NECAB2: variants seen among roughly 807,000 people sequenced by gnomAD.
NECAB2 encodes N-terminal EF-hand calcium-binding protein 2.
In NECAB2, 68 loss-of-function variants were observed where a neutral mutation model predicts 51.9. The observed-to-expected ratio is 1.31, with a 90% CI of 1.08 to 1.60. NECAB2 has a LOEUF of 1.60. Ranked by LOEUF, NECAB2 falls within the 40% of genes most tolerant of loss-of-function variation. The pLI, the probability that NECAB2 is intolerant of heterozygous loss-of-function variation, is 0.00. For missense variants in NECAB2, 854 were observed against 490.3 expected (o/e 1.74, Z -7.00); for synonymous variants, 329 against 203.5 (o/e 1.62, Z -5.25).
rs147214689 is a variant in NECAB2, at chr16:83,978,514, G to A, written c.297G>A (p.Leu99=). 7 of 1,613,796 alleles carry A rather than the reference G, an allele frequency of 4.3e-6. No homozygotes were observed. The South Asian group carries it at 5.5e-5, about 13-fold the overall frequency. ...ATGGCGTCCTTAATGAGAAAGAACT[G>A]GAGGATCTCTTTCACACGATTGACT... ...FADGVLNEKE[L]EDLFHTIDSD... Residue 99 remains leucine, a synonymous_variant, in exon 3 of 13, where the codon CTG becomes CTA. Coordinates refer to ENST00000305202, the MANE Select transcript of NECAB2 (RefSeq NM_019065.3).
chr16:84,000,693 G>C (rs763936905), intron 10 of NECAB2, 31 bp from the exon 11 acceptor site: 5 of 1,610,454 alleles, frequency 3.1e-6, no homozygotes, highest in Non-Finnish European at 4.2e-6. Flanking sequence ...TTGAGCTCCA[G>C]CCTCCTCCCC....
chr16:83,990,722 A>G, intron 6 of NECAB2, 92 bp downstream of exon 6: 1 of 1,523,680 alleles, frequency 6.6e-7, no homozygotes, highest in Non-Finnish European at 8.8e-7. Context: ...CTGTGTACCT[A>G]AGAGCTGGGT....
chr16:83,997,563 C>A (rs969972916), intron 9 of NECAB2, among the ~76,000 whole-genome samples: 2 of 127,982 alleles, frequency 1.6e-5, no homozygotes, highest in South Asian at 5.3e-4. Flanking sequence ...TGTCGGCTTA[C>A]TGCAACCTCT....
chr16:83,969,400 T>C (rs1467972199), intron 1 of NECAB2, among the ~76,000 whole-genome samples: 1 of 151,936 alleles, frequency 6.6e-6, no homozygotes, highest in East Asian at 1.9e-4. Flanking sequence ...CCACCTTCTG[T>C]CTTCTCGTCT....
Position 83,980,851 on chromosome 16 carries a change from C to T in NECAB2, c.348C>T (p.Thr116=), listed in dbSNP as rs1472502253. 1 of 1,599,106 alleles carries T rather than the reference C, an allele frequency of 6.3e-7. No homozygotes were observed. The highest frequency in any genetic ancestry group is 2.3e-5 in the East Asian group (1 of 44,076). The change falls in exon 4 of 13, where the codon ACC becomes ACT. Residue 116 remains threonine, a synonymous_variant. Coordinates refer to ENST00000305202, the MANE Select transcript of NECAB2 (RefSeq NM_019065.3). The stretch of plus-strand genomic sequence containing the variant: ...TCTGTCTCTGCAGCCATGTGGACAC[C>T]AAGGAGCTGTGTGGTAGGTGCCTGG... ...IDSDNTNHVD[T]KELCDYFVDH...
At chr16:83,980,724 C>A (rs2084476112) in intron 3 of NECAB2, 115 bp from the exon 4 acceptor site, 2 of 1,377,012 alleles carry the variant, frequency 1.5e-6, no homozygotes, top group Middle Eastern at 1.8e-4. Context: ...GCTTGTGGGG[C>A]CAGCACACAG....
chr16:83,985,332 AAAAAAAAAAAAAAAG>A (rs1375020663), intron 5 of NECAB2, among the ~76,000 whole-genome samples: 2 of 126,304 alleles, frequency 1.6e-5, no homozygotes, highest in African/African-American at 8.5e-5. Context: ...AAAAAAAAAA[AAAAAAAAAAAAAAAG>A]GTTACTGCTG....
chr16:84,002,065 C>A, intron 12 of NECAB2, 149 bp downstream of exon 12: 1 of 1,040,308 alleles, frequency 9.6e-7, no homozygotes. Flanking sequence ...CAGAGCCAGC[C>A]CTGAGGTGGC....
Position 84,000,793 on chromosome 16 carries a change from G to C in NECAB2, c.1032G>C (p.Ala344=), listed in dbSNP as rs113004568. Residue 344 remains alanine (A), a synonymous_variant, in exon 11 of 13, where the codon GCG becomes GCC. Coordinates refer to ENST00000305202, the MANE Select transcript of NECAB2 (RefSeq NM_019065.3). ...VIYEFWETEE[A]WKRHLQSPLC... ...ATGAGTTCTGGGAGACAGAGGAGGC[G>C]TGGAAGAGGTGAGATGCTGGGTCCC... 2 of 1,613,620 alleles carry C rather than the reference G, an allele frequency of 1.2e-6. No homozygotes were observed. Among genetic ancestry groups the C allele is most frequent in the Non-Finnish European group, 1.7e-6 (2 of 1,179,934 alleles).
rs2084844371 is a variant in NECAB2 at position 84,001,885 on chromosome 16, G to A, written c.1101G>A (p.Gln367=). Residue 367 remains glutamine (Q), a synonymous_variant, in exon 12 of 13, where the codon CAG becomes CAA. Transcript: ENST00000305202. ...FRHVKVDTLS[Q]PEALSRILVP... is the part of the protein sequence containing the mutation. ...ACGTCAAGGTGGACACACTGAGCCAGCCTGAGGCCCTCTCCAGGATCTTGG... is the reference window on the plus strand; with the variant it reads ...ACGTCAAGGTGGACACACTGAGCCAACCTGAGGCCCTCTCCAGGATCTTGG... 9 of 1,613,996 alleles carry A rather than the reference G, an allele frequency of 5.6e-6. No homozygotes were observed. The South Asian group carries it at 9.9e-5, about 18-fold the overall frequency.
intron 5 of NECAB2, 52 bp downstream of exon 5, chr16:83,981,179 T>A (rs1420762713): frequency 2.0e-6 from 3 of 1,509,456 alleles, no homozygotes; most frequent in Non-Finnish European, 2.8e-6. Context: ...GCTGCTTCAG[T>A]TCCACCCTTG....
At chr16:83,993,967 C>G (rs1020381410) in intron 6 of NECAB2, among the ~76,000 whole-genome samples, 2 of 152,150 alleles carry the variant, frequency 1.3e-5, no homozygotes, top group East Asian at 1.9e-4. Flanking sequence ...GGGCTCTACA[C>G]GTGCCCGAAA....
intron 5 of NECAB2, 149 bp downstream of exon 5, chr16:83,981,276 G>A (rs1416896985): frequency 6.0e-6 from 4 of 667,460 alleles, no homozygotes; most frequent in Non-Finnish European, 7.9e-6. Context: ...TGAAGCAGCT[G>A]AGATGAACTG....
In NECAB2 at chr16:84,002,396, A is replaced by C. The variant is rs1241261674; in HGVS notation, c.*50A>C. ...AGCCCACCAGCCCCTTCTTCTTGTG[A>C]AGGAAATCCCGTTTTTTTCTAGACA... On this transcript the variant is annotated 3_prime_UTR_variant, in exon 13 of 13. Transcript: ENST00000305202. The C allele has an allele frequency of 2.5e-6, 4 of 1,577,260 alleles. No homozygotes were observed. In the African/African-American group the frequency reaches 6.8e-5, roughly 27 times the overall value.
At chr16:83,998,381 C>CTCCTGGCAGT in intron 10 of NECAB2, 64 bp downstream of exon 10, 13 of 1,482,046 alleles carry the variant, frequency 8.8e-6, no homozygotes, top group Non-Finnish European at 1.2e-5. Flanking sequence ...AGTGGAGGAA[C>CTCCTGGCAGT]AGGGCAGGAC....
intron 1 of NECAB2, among the ~76,000 whole-genome samples, chr16:83,970,890 C>G (rs775490939): frequency 3.0e-4 from 45 of 152,120 alleles, no homozygotes; most frequent in African/African-American, 9.2e-4. Flanking sequence ...GTCAGGGGTT[C>G]GAGACCAGCT....
chr16:83,979,275 C>A (rs572414535), intron 3 of NECAB2, among the ~76,000 whole-genome samples: 6 of 152,112 alleles, frequency 3.9e-5, no homozygotes, highest in Non-Finnish European at 7.3e-5. Context: ...GGCCTACTCG[C>A]GTGATGAGGA....
At chr16:83,980,755 T>C in intron 3 of NECAB2, 84 bp from the exon 4 acceptor site, 2 of 1,492,894 alleles carry the variant, frequency 1.3e-6, no homozygotes, top group Non-Finnish European at 1.8e-6. Flanking sequence ...GCAGGCAGGA[T>C]GTGTGTTTCG....
intron 8 of NECAB2, among the ~76,000 whole-genome samples, chr16:83,995,458 C>T (rs1457187075): frequency 6.6e-6 from 1 of 152,116 alleles, no homozygotes; most frequent in Non-Finnish European, 1.5e-5. Context: ...AAAATGATGT[C>T]TCCGGTTTAG....
Sources: allele counts gnomAD v4.1 joint callset (sites outside exome capture counted in the v4.1 genomes callset), GRCh38; gene constraint gnomAD v4.1.1; transcripts MANE v1.5; gene names NCBI Gene and HGNC (gene_info 2026-07-23, HGNC 2026-07-21).